Variants in EXOC2 observed in about 807,000 individuals in gnomAD.
EXOC2 encodes the protein exocyst complex component 2, also known as SEC5-like 1.
A neutral mutation model predicts 131.8 loss-of-function variants in EXOC2; 70 were observed. The ratio of observed to expected loss-of-function variants is 0.53; its 90% CI spans 0.44 to 0.65. The LOEUF (loss-of-function observed/expected upper bound fraction) is 0.65. EXOC2 is among the 30% of genes least tolerant of loss of function. The probability of loss-of-function intolerance (pLI) is 0.00; values close to 1 mark genes in which losing one functional copy is unlikely to be tolerated. For synonymous variants in EXOC2, 411 were observed against 398.4 expected (o/e 1.03, Z -0.38); for missense variants, 923 against 1,108.6 (o/e 0.83, Z 2.38).
At chr6:664,447 T>G (rs1043268937) in intron 1 of EXOC2, among the ~76,000 whole-genome samples, 8 of 152,106 alleles carry the variant, frequency 5.3e-5, no homozygotes, top group African/African-American at 1.9e-4. Flanking sequence ...ATTCTAAAAT[T>G]CATATGAAAC....
intron 1 of EXOC2, among the ~76,000 whole-genome samples, chr6:673,884 T>C (rs903158227): frequency 2.0e-5 from 3 of 152,190 alleles, no homozygotes; most frequent in African/African-American, 7.2e-5. Context: ...GACACTTGCT[T>C]AATACAGGGT....
At chr6:541,766 AC>A (rs748378475) in intron 22 of EXOC2, among the ~76,000 whole-genome samples, 1 of 152,246 alleles carries the variant, frequency 6.6e-6, no homozygotes, top group Non-Finnish European at 1.5e-5. Context: ...TGGTTCTATA[AC>A]CATTAAAGAA....
chr6:666,331 T>A (rs1292585250), intron 1 of EXOC2, among the ~76,000 whole-genome samples: 3 of 152,222 alleles, frequency 2.0e-5, no homozygotes, highest in African/African-American at 7.2e-5. Context: ...GGAAAATATG[T>A]AAAGGCATCT....
chr6:592,847 G>A (rs1380475446), intron 10 of EXOC2, among the ~76,000 whole-genome samples: 2 of 152,060 alleles, frequency 1.3e-5, no homozygotes, highest in Non-Finnish European at 2.9e-5. Flanking sequence ...CCAACGTGCT[G>A]AAACCCCGTC....
intron 22 of EXOC2, among the ~76,000 whole-genome samples, chr6:542,873 C>G (rs1260843100): frequency 1.3e-5 from 2 of 152,132 alleles, no homozygotes; most frequent in Non-Finnish European, 2.9e-5. Flanking sequence ...GGCAAGAGAG[C>G]CAGATGAAAA....
chr6:683,829 C>T (rs1157326281), intron 1 of EXOC2, among the ~76,000 whole-genome samples: 1 of 152,188 alleles, frequency 6.6e-6, no homozygotes, highest in East Asian at 1.9e-4. Context: ...ATAATCACAG[C>T]ACTCAACAGT....
chr6:573,235 A>T (rs1330253995), intron 12 of EXOC2, among the ~76,000 whole-genome samples: 4 of 152,260 alleles, frequency 2.6e-5, no homozygotes, highest in Non-Finnish European at 1.5e-5. Context: ...TACATCATTT[A>T]ACATAGCTAT....
intron 1 of EXOC2, among the ~76,000 whole-genome samples, chr6:687,188 T>TTTTTTG (rs1764699953): frequency 7.5e-6 from 1 of 133,322 alleles, no homozygotes; most frequent in Non-Finnish European, 1.6e-5. Flanking sequence ...TTTTTTTTTT[T>TTTTTTG]TTTTTTGAGA....
intron 4 of EXOC2, among the ~76,000 whole-genome samples, chr6:621,850 C>T (rs989860260): frequency 2.6e-5 from 4 of 152,162 alleles, no homozygotes; most frequent in Non-Finnish European, 5.9e-5. Flanking sequence ...GGTTCTCATA[C>T]TTTACTTAGT....
intron 1 of EXOC2, among the ~76,000 whole-genome samples, chr6:638,437 G>A (rs1023421790): frequency 6.6e-6 from 1 of 152,206 alleles, no homozygotes; most frequent in Admixed American, 6.5e-5. Context: ...TATAACAGAG[G>A]AGGGAAAAGT....
At chr6:505,307 A>G (rs562080964) in intron 23 of EXOC2, among the ~76,000 whole-genome samples, 2 of 152,294 alleles carry the variant, frequency 1.3e-5, no homozygotes, top group South Asian at 2.1e-4. Flanking sequence ...GAATGGCTCA[A>G]TGTCAAATGC....
At chr6:522,940 A>G (rs556934347) in intron 23 of EXOC2, among the ~76,000 whole-genome samples, 2 of 152,354 alleles carry the variant, frequency 1.3e-5, no homozygotes, top group South Asian at 4.1e-4. Flanking sequence ...CCAGTACTAA[A>G]GCTGTTTTCC....
chr6:691,936 G>A (rs1306757133), intron 1 of EXOC2, among the ~76,000 whole-genome samples: 1 of 152,108 alleles, frequency 6.6e-6, no homozygotes, highest in Non-Finnish European at 1.5e-5. Context: ...TCTGGGAATC[G>A]CCAACTTTTA....
At chr6:682,424 T>G (rs1217534757) in intron 1 of EXOC2, among the ~76,000 whole-genome samples, 1 of 152,018 alleles carries the variant, frequency 6.6e-6, no homozygotes, top group Non-Finnish European at 1.5e-5. Context: ...ATGGTCTAGA[T>G]CTCCTGACCT....
chr6:565,677 C>G (rs1025094445), intron 13 of EXOC2, among the ~76,000 whole-genome samples: 1 of 152,166 alleles, frequency 6.6e-6, no homozygotes, highest in Non-Finnish European at 1.5e-5. Context: ...ACTTCATTGA[C>G]ATAATGCAAA....
intron 22 of EXOC2, among the ~76,000 whole-genome samples, chr6:537,221 C>A (rs9767598): frequency 1.4e-5 from 2 of 145,294 alleles, no homozygotes; most frequent in South Asian, 2.2e-4. Flanking sequence ...ACCGACGGAG[C>A]GCACACACGA....
intron 24 of EXOC2, among the ~76,000 whole-genome samples, chr6:498,050 T>C (rs530393165): frequency 6.6e-6 from 1 of 152,356 alleles, no homozygotes; most frequent in Non-Finnish European, 1.5e-5. Context: ...TGAGAGTTAC[T>C]GTCTTTGGAG....
chr6:658,661 A>ATTT (rs1561983337), intron 1 of EXOC2, among the ~76,000 whole-genome samples: 26 of 72,062 alleles, frequency 3.6e-4, no homozygotes, highest in South Asian at 9.3e-4. Flanking sequence ...ATATATATAT[A>ATTT]TATATTTTTT....
At chr6:656,947 T>C (rs750754632) in intron 1 of EXOC2, 24 of 1,514,632 alleles carry the variant, frequency 1.6e-5, no homozygotes, top group South Asian at 2.6e-5. Context: ...AACTTCATGA[T>C]GCCACAGGGA....
Sources: gnomAD v4.1 joint callset for allele counts (sites outside exome capture counted in the v4.1 genomes callset) on GRCh38, gnomAD v4.1.1 for gene constraint, MANE v1.5 for transcripts, NCBI Gene and HGNC (gene_info 2026-07-23, HGNC 2026-07-21) for gene names.